MYSM1: variants seen among roughly 807,000 people sequenced by gnomAD.
MYSM1 encodes deubiquitinase MYSM1.
Under a neutral mutation model 116.0 loss-of-function variants are expected in MYSM1, and 51 were observed. The ratio of observed to expected loss-of-function variants is 0.44; its 90% CI spans 0.35 to 0.56. The LOEUF is 0.56. Ranked by LOEUF, MYSM1 falls within the 20% of genes least tolerant of loss-of-function variation. The pLI, the probability that MYSM1 is intolerant of heterozygous loss-of-function variation, is 0.00. For synonymous variants in MYSM1, 313 were observed against 315.2 expected (o/e 0.99, Z 0.07); for missense variants, 900 against 974.9 (o/e 0.92, Z 1.02).
At position 58,659,934 on chromosome 1, in the gene MYSM1, AGTT is replaced by A; in HGVS notation, c.*60_*62del. The A allele has an allele frequency of 2.7e-6, 3 of 1,131,474 alleles. No homozygotes were observed. The allele number at this position is 1,131,474 out of a possible 1,614,324, so 70.1% of individuals were successfully genotyped here. A position where few individuals can be genotyped will look rare whatever the true frequency, so the allele number is the denominator to read the frequency against. On this transcript the variant is annotated 3_prime_UTR_variant, in exon 20 of 20. Coordinates refer to ENST00000472487, the MANE Select transcript of MYSM1 (RefSeq NM_001085487.3). ...GCCAATGTTAACTACAATCACTTCA[AGTT>A]TATAACTTTGAAAGTAAGATCTACT...
chr1:58,658,301 A>C lies in MYSM1; in HGVS notation c.*1696T>G, dbSNP rs1460329890. ...TAAGCTATACTTCACTGTTTATCCT[A>C]AGTGCACACAGAGAAATGGAAAAAT... is the stretch of plus-strand genomic sequence containing the variant. On this transcript the variant is annotated 3_prime_UTR_variant, in exon 20 of 20. Transcript: ENST00000472487. The C allele has an allele frequency of 6.6e-6, 1 of 152,106 alleles. No homozygotes were observed. Among genetic ancestry groups the C allele is most frequent in the East Asian group, 1.9e-4 (1 of 5,194 alleles). The allele number at this position is 152,106 out of a possible 1,614,324, so 9.4% of individuals were successfully genotyped here.
chr1:58,672,047 G>A, intron 11 of MYSM1, 89 bp from the exon 12 acceptor site: 1 of 1,014,556 alleles, frequency 9.9e-7, no homozygotes. Flanking sequence ...TGAAGGGCAT[G>A]TGAGGACAAG....
chr1:58,661,607 G>A (rs1051014054), intron 17 of MYSM1, 96 bp from the exon 18 acceptor site: 2 of 676,354 alleles, frequency 3.0e-6, no homozygotes, highest in Admixed American at 2.9e-5. Context: ...TGTTTTTACA[G>A]CCATAGCTTT....
chr1:58,661,954 A>G (rs764964555), intron 17 of MYSM1, among the ~76,000 whole-genome samples: 1 of 148,964 alleles, frequency 6.7e-6, no homozygotes, highest in African/African-American at 2.4e-5. Context: ...AGCTTACAAC[A>G]ATGCTGTAAG....
intron 5 of MYSM1, 161 bp from the exon 6 acceptor site, chr1:58,689,277 TGGG>T (rs1644871093): frequency 3.5e-6 from 2 of 569,556 alleles, no homozygotes; most frequent in Non-Finnish European, 6.0e-6. Context: ...AGCCTCTACC[TGGG>T]GGCAGAGATT....
At chr1:58,688,143 A>G (rs1644855471) in intron 6 of MYSM1, among the ~76,000 whole-genome samples, 1 of 152,126 alleles carries the variant, frequency 6.6e-6, no homozygotes, top group Admixed American at 6.6e-5. Flanking sequence ...ACAAGTCTTG[A>G]AGAGATAAAA....
intron 6 of MYSM1, among the ~76,000 whole-genome samples, chr1:58,686,218 A>G (rs1644825766): frequency 6.6e-6 from 1 of 152,184 alleles, no homozygotes; most frequent in African/African-American, 2.4e-5. Flanking sequence ...GTGGAGGGAA[A>G]AAAAAAAATG....
intron 17 of MYSM1, among the ~76,000 whole-genome samples, chr1:58,661,731 G>T (rs1284884941): frequency 6.6e-6 from 1 of 152,008 alleles, no homozygotes; most frequent in Non-Finnish European, 1.5e-5. Context: ...ATAATAATGA[G>T]TAAAAGTGCC....
chr1:58,679,298 T>G (rs749966856), intron 8 of MYSM1, among the ~76,000 whole-genome samples: 6 of 152,132 alleles, frequency 3.9e-5, no homozygotes, highest in African/African-American at 7.2e-5. Context: ...CATAATGAAA[T>G]AGCAATACCT....
intron 1 of MYSM1, among the ~76,000 whole-genome samples, chr1:58,698,364 T>G (rs1645013960): frequency 6.6e-6 from 1 of 151,572 alleles, no homozygotes; most frequent in South Asian, 2.1e-4. Context: ...TCTCCCAAAG[T>G]GCTGGGATTA....
Position 58,700,027 on chromosome 1 carries a change from T to G in MYSM1, c.26A>C (p.Asp9Ala), listed in dbSNP as rs774408224. The G allele has an allele frequency of 1.9e-6, 3 of 1,613,618 alleles. No individual in the cohort carries two copies. Among genetic ancestry groups the G allele is most frequent in the East Asian group, 2.2e-5 (1 of 44,858 alleles). The stretch of plus-strand genomic sequence containing the variant: ...CGCCGCTACCACGTCCCCTTCGATA[T>G]CCACATCCGCCTCTTCAGCCGCCAT... Reference protein sequence around the residue: MAAEEADVDIEGDVVAAAG... With the variant: MAAEEADVAIEGDVVAAAG... Residue 9 changes from aspartate to alanine, a missense_variant, in exon 1 of 20, where the codon GAT becomes GCT. This residue lies in a region of MYSM1 where 622 missense variants were observed against 623.7 expected (regional missense o/e 1.00). Transcript: ENST00000472487.
chr1:58,677,274 C>T (rs953738225), intron 8 of MYSM1, among the ~76,000 whole-genome samples: 2 of 152,046 alleles, frequency 1.3e-5, no homozygotes, highest in African/African-American at 4.8e-5. Context: ...TAATTTTTTA[C>T]AAGCAATATT....
chr1:58,694,093 C>T (rs573025085), intron 2 of MYSM1, among the ~76,000 whole-genome samples: 1 of 152,336 alleles, frequency 6.6e-6, no homozygotes, highest in South Asian at 2.1e-4. Context: ...TTAAATCTCA[C>T]CTCCTCTGAG....
At position 58,669,052 on chromosome 1, in the gene MYSM1, A is replaced by C; in HGVS notation, c.1662-14T>G. On this transcript the variant is annotated splice_polypyrimidine_tract_variant and intron_variant, in intron 12 of 19. Coordinates refer to ENST00000472487, the MANE Select transcript of MYSM1 (RefSeq NM_001085487.3). ...GGATCAAACGAGCTGAAAAAGAAAA[A>C]AAATTTTCAATACAATCTCAACAAG... 6.4e-7 allele frequency: 1 copy of C among 1,558,184 alleles called. No homozygotes were observed. Among genetic ancestry groups the C allele is most frequent in the Non-Finnish European group, 8.7e-7 (1 of 1,147,824 alleles).
intron 9 of MYSM1, 23 bp downstream of exon 9, chr1:58,676,903 T>G: frequency 3.1e-6 from 5 of 1,605,396 alleles, no homozygotes; most frequent in Non-Finnish European, 4.3e-6. Context: ...GAGTAAAAGA[T>G]GTTGTTGGGT....
At chr1:58,665,666 T>C in intron 16 of MYSM1, 35 bp from the exon 17 acceptor site, 2 of 1,373,070 alleles carry the variant, frequency 1.5e-6, no homozygotes, top group Non-Finnish European at 2.0e-6. Context: ...TAGTTTCAAC[T>C]ATATAAATTC....
At chr1:58,685,280 G>A (rs1284334447) in intron 6 of MYSM1, 29 bp from the exon 7 acceptor site, 2 of 1,532,990 alleles carry the variant, frequency 1.3e-6, no homozygotes, top group Non-Finnish European at 1.8e-6. Flanking sequence ...AAAAAAAATT[G>A]CTTTTGATGA....
At position 58,667,022 on chromosome 1, in the gene MYSM1, A is replaced by G; in HGVS notation, c.2031+16T>C. 6.5e-7 allele frequency: 1 copy of G among 1,544,756 alleles called. No individual in the cohort carries two copies. The highest frequency in any genetic ancestry group is 1.7e-5 in the Admixed American group (1 of 57,666). Reference sequence around the variant, plus strand: ...GGTGTGCAACCATTTACAGAATATAAATATACATGTAATACCTGGTATTTA... The same window carrying G: ...GGTGTGCAACCATTTACAGAATATAGATATACATGTAATACCTGGTATTTA... On this transcript the variant is annotated intron_variant, in intron 16 of 19. Transcript: ENST00000472487.
intron 1 of MYSM1, among the ~76,000 whole-genome samples, chr1:58,697,769 A>G (rs6680626): frequency 0.39 from 58,407 of 150,684 alleles, 11,442 homozygotes; most frequent in Middle Eastern, 0.56. Flanking sequence ...TTGTATTTTT[A>G]GTAGAGACGG....
Sources: allele counts gnomAD v4.1 joint callset (sites outside exome capture counted in the v4.1 genomes callset), GRCh38; gene constraint gnomAD v4.1.1; regional missense constraint gnomAD v4.1.1; transcripts MANE v1.5; gene names NCBI Gene and HGNC (gene_info 2026-07-23, HGNC 2026-07-21).